CHN2: variants seen among roughly 807,000 people sequenced by gnomAD.
The protein encoded by CHN2 is beta-chimaerin.
Under a neutral mutation model 56.3 loss-of-function variants are expected in CHN2, and 35 were observed. That is an observed-to-expected ratio of 0.62 (90% CI 0.47 to 0.82). The LOEUF is 0.82. Ranked by LOEUF, CHN2 falls within the 40% of genes least tolerant of loss-of-function variation. The pLI, the probability that CHN2 is intolerant of heterozygous loss-of-function variation, is 0.00. For synonymous variants in CHN2, 210 were observed against 212.8 expected, an observed-to-expected ratio of 0.99 and a Z score of 0.12; for missense variants, 491 against 580.5, an observed-to-expected ratio of 0.85 and a Z score of 1.58.
At chr7:29,337,578 C>A (rs1189427164) in intron 1 of CHN2, among the ~76,000 whole-genome samples, 2 of 152,188 alleles carry the variant, frequency 1.3e-5, no homozygotes, top group Non-Finnish European at 2.9e-5. Flanking sequence ...ACTCTTAACC[C>A]TTTAATCATA....
At chr7:29,442,219 G>C (rs1783698243) in intron 6 of CHN2, among the ~76,000 whole-genome samples, 1 of 152,168 alleles carries the variant, frequency 6.6e-6, no homozygotes, top group Non-Finnish European at 1.5e-5. Context: ...GGAAAGAAAG[G>C]AAAGAAGTGG....
intron 2 of CHN2, among the ~76,000 whole-genome samples, chr7:29,166,167 A>C (rs1266718525): frequency 6.6e-6 from 1 of 151,990 alleles, no homozygotes; most frequent in Non-Finnish European, 1.5e-5. Flanking sequence ...AGTAGCTAGG[A>C]CCACGGGTGT....
At chr7:29,500,162 T>C in intron 9 of CHN2, 122 bp downstream of exon 9, 1 of 624,068 alleles carries the variant, frequency 1.6e-6, no homozygotes, top group African/African-American at 1.9e-5. Flanking sequence ...TACGCATGTG[T>C]GCGCACACAC....
intron 7 of CHN2, among the ~76,000 whole-genome samples, chr7:29,491,420 T>TGA (rs1187297054): frequency 7.8e-6 from 1 of 127,922 alleles, no homozygotes; most frequent in Admixed American, 8.0e-5. Context: ...TGTGTGTGTG[T>TGA]GAGAGAGAGA....
At chr7:29,453,693 A>T (rs1361961303) in intron 6 of CHN2, among the ~76,000 whole-genome samples, 3 of 152,210 alleles carry the variant, frequency 2.0e-5, no homozygotes, top group Non-Finnish European at 2.9e-5. Context: ...TAACTAGGTC[A>T]TTCCAGGGTT....
chr7:29,152,528 A>G (rs1008492772), intron 2 of CHN2, among the ~76,000 whole-genome samples: 3 of 152,232 alleles, frequency 2.0e-5, no homozygotes, highest in African/African-American at 7.2e-5. Context: ...CACTAGCTAA[A>G]TGATACAGTG....
At chr7:29,152,865 T>C (rs1793795593) in intron 2 of CHN2, among the ~76,000 whole-genome samples, 1 of 152,200 alleles carries the variant, frequency 6.6e-6, no homozygotes, top group East Asian at 1.9e-4. Context: ...TTGCAAATTC[T>C]CCTCCATGGT....
At chr7:29,500,155 G>A (rs1036389213) in intron 9 of CHN2, 115 bp downstream of exon 9, 18 of 671,850 alleles carry the variant, frequency 2.7e-5, no homozygotes, top group Non-Finnish European at 3.8e-5. Flanking sequence ...AATGACCTAC[G>A]CATGTGTGCG....
chr7:29,451,785 C>G (rs1784423745), intron 6 of CHN2, among the ~76,000 whole-genome samples: 1 of 152,150 alleles, frequency 6.6e-6, no homozygotes, highest in African/African-American at 2.4e-5. Context: ...GATTAGCCCC[C>G]CGTCTTACAA....
chr7:29,413,555 T>C (rs946870319), intron 6 of CHN2, among the ~76,000 whole-genome samples: 1 of 152,250 alleles, frequency 6.6e-6, no homozygotes, highest in Non-Finnish European at 1.5e-5. Flanking sequence ...TTGTTTTTAA[T>C]CTATCATAAA....
In CHN2 at chr7:29,175,630, A is replaced by T. The variant is rs894308741; in HGVS notation, c.274+28670A>T. 4.6e-5 allele frequency among the ~76,000 whole-genome samples: 7 copies of T among 152,168 alleles called. No individual in the cohort carries two copies. In the South Asian group the frequency reaches 1.4e-3, roughly 31 times the overall value. On this transcript the variant is annotated intron_variant, in intron 2 of 6. Coordinates refer to the CHN2 transcript ENST00000439384. ...TCAATTTTTCCTCTTATCTTTGTAGATTACCAATCTTGAGTATGCCTTTAT... is the reference window on the plus strand; with the variant it reads ...TCAATTTTTCCTCTTATCTTTGTAGTTTACCAATCTTGAGTATGCCTTTAT...
At chr7:29,257,141 C>A (rs1291947941) in intron 1 of CHN2, among the ~76,000 whole-genome samples, 1 of 152,178 alleles carries the variant, frequency 6.6e-6, no homozygotes, top group Non-Finnish European at 1.5e-5. Context: ...GGTTTACTCA[C>A]CCATTGTCTT....
In CHN2 at chr7:29,291,861, C is replaced by G. The variant is rs531655088; in HGVS notation, c.50-62764C>G. 1.1e-4 allele frequency among the ~76,000 whole-genome samples: 16 copies of G among 152,156 alleles called. No homozygotes were observed. The South Asian group carries it at 3.3e-3, about 32-fold the overall frequency. The stretch of plus-strand genomic sequence containing the variant: ...GTATCTGTGTAGCAAAAGTTAGCAC[C>G]GAATGTTTTCCACACTAAACCTGAG... On this transcript the variant is annotated intron_variant, in intron 1 of 12. Transcript: ENST00000222792.
chr7:29,204,967 T>C (rs1784418442), intron 1 of CHN2, among the ~76,000 whole-genome samples: 1 of 152,252 alleles, frequency 6.6e-6, no homozygotes, highest in African/African-American at 2.4e-5. Flanking sequence ...CGATGTCATC[T>C]GGGTTAAGAA....
At chr7:29,261,825 T>A (rs1789579135) in intron 1 of CHN2, among the ~76,000 whole-genome samples, 1 of 152,232 alleles carries the variant, frequency 6.6e-6, no homozygotes, top group South Asian at 2.1e-4. Flanking sequence ...GTATGTTAGA[T>A]ATCGTTATAC....
chr7:29,427,508 ATCC>A (rs1804983297), intron 6 of CHN2, among the ~76,000 whole-genome samples: 1 of 152,066 alleles, frequency 6.6e-6, no homozygotes. Context: ...TGCCTACCAC[ATCC>A]TCTGTCCACT....
At chr7:29,433,156 C>T (rs767855260) in intron 6 of CHN2, among the ~76,000 whole-genome samples, 25 of 152,056 alleles carry the variant, frequency 1.6e-4, no homozygotes, top group African/African-American at 4.6e-4. Flanking sequence ...TGCTACATGC[C>T]GTGGGGGGAG....
At chr7:29,419,836 C>T (rs1197571522) in intron 6 of CHN2, among the ~76,000 whole-genome samples, 2 of 152,072 alleles carry the variant, frequency 1.3e-5, no homozygotes, top group African/African-American at 4.8e-5. Context: ...GTAATTCCAG[C>T]ACTTTGGGAG....
At chr7:29,249,513 A>G (rs1379098796) in intron 1 of CHN2, among the ~76,000 whole-genome samples, 1 of 152,208 alleles carries the variant, frequency 6.6e-6, no homozygotes. Context: ...ACACCTTCAC[A>G]GACACTCCCA....
Sources: allele counts gnomAD v4.1 joint callset (sites outside exome capture counted in the v4.1 genomes callset), GRCh38; gene constraint gnomAD v4.1.1; transcripts MANE v1.5; gene names NCBI Gene and HGNC (gene_info 2026-07-23, HGNC 2026-07-21).